Variants in ELOVL7 observed in about 807,000 individuals in gnomAD.
ELOVL7 encodes the protein very long chain fatty acid elongase 7.
A neutral mutation model predicts 35.7 loss-of-function variants in ELOVL7; 27 were observed. That is an observed-to-expected ratio of 0.76 (90% CI 0.56 to 1.04). The LOEUF is 1.04. Among genes scored for constraint, ELOVL7 ranks in the 50% least tolerant of loss-of-function variants. The probability of loss-of-function intolerance (pLI) is 0.00; values close to 1 mark genes in which losing one functional copy is unlikely to be tolerated. For synonymous variants in ELOVL7, 113 were observed against 114.6 expected (o/e 0.99, Z 0.09); for missense variants, 327 against 340.8 (o/e 0.96, Z 0.32).
chr5:60,831,095 C>T (rs1746456771), intron 1 of ELOVL7, among the ~76,000 whole-genome samples: 1 of 152,110 alleles, frequency 6.6e-6, no homozygotes, highest in Non-Finnish European at 1.5e-5. Context: ...ACTGATTTAA[C>T]ATTTAAAAAG....
At chr5:60,773,352 G>A (rs1742713120) in intron 3 of ELOVL7, among the ~76,000 whole-genome samples, 1 of 152,162 alleles carries the variant, frequency 6.6e-6, no homozygotes, top group Non-Finnish European at 1.5e-5. Context: ...AGCTGCTAAT[G>A]ATGTGGCCAA....
In ELOVL7 at chr5:60,752,198, A is replaced by G. The variant is rs1741316243; in HGVS notation, c.*2426T>C. 1 of 152,298 alleles carries G rather than the reference A, an allele frequency of 6.6e-6. No individual in the cohort carries two copies. The highest frequency in any genetic ancestry group is 6.5e-5 in the Admixed American group (1 of 15,282). The allele number at this position is 152,298 out of a possible 1,614,324, so 9.4% of individuals were successfully genotyped here. A position where few individuals can be genotyped will look rare whatever the true frequency, so the allele number is the denominator to read the frequency against. ...TATGGCCCATACAAATTCCATATCC[A>G]GTGAAAATCATTTTGATCCACAATC... On this transcript the variant is annotated 3_prime_UTR_variant, in exon 9 of 9. Transcript: ENST00000508821.
At chr5:60,800,994 C>G (rs1380058249) in intron 1 of ELOVL7, among the ~76,000 whole-genome samples, 1 of 152,170 alleles carries the variant, frequency 6.6e-6, no homozygotes, top group African/African-American at 2.4e-5. Flanking sequence ...GTGGCATGGT[C>G]ATGACTCACT....
At chr5:60,801,731 TA>T (rs1744628288) in intron 1 of ELOVL7, among the ~76,000 whole-genome samples, 1 of 151,508 alleles carries the variant, frequency 6.6e-6, no homozygotes, top group East Asian at 1.9e-4. Context: ...ATGAAGAAAC[TA>T]GAACAAAGCG....
Position 60,764,202 on chromosome 5 carries a change from A to G in ELOVL7, c.499+25T>C, listed in dbSNP as rs1387573687. Reference sequence around the variant, plus strand: ...CATATAGAAATGTTGTTTATAACACATGATCCCAAATTTCCCTTGTCTACC... The same window carrying G: ...CATATAGAAATGTTGTTTATAACACGTGATCCCAAATTTCCCTTGTCTACC... On this transcript the variant is annotated intron_variant, in intron 7 of 8. Coordinates refer to ENST00000508821, the MANE Select transcript of ELOVL7 (RefSeq NM_024930.3). 19 of 1,500,100 alleles carry G rather than the reference A, an allele frequency of 1.3e-5. No homozygotes were observed. The East Asian group carries it at 4.3e-4, about 34-fold the overall frequency. 92.9% of individuals were successfully genotyped at this position (1,500,100 alleles called of 1,614,324 possible).
At chr5:60,793,035 A>G (rs1744034710) in intron 2 of ELOVL7, among the ~76,000 whole-genome samples, 1 of 152,190 alleles carries the variant, frequency 6.6e-6, no homozygotes, top group Non-Finnish European at 1.5e-5. Context: ...AGAGAGCTGG[A>G]GCAGGGAGTT....
chr5:60,799,681 C>A (rs566795490), intron 1 of ELOVL7, among the ~76,000 whole-genome samples: 2 of 152,244 alleles, frequency 1.3e-5, no homozygotes, highest in Non-Finnish European at 2.9e-5. Flanking sequence ...AATCAAAAAC[C>A]TCCCATAAAA....
chr5:60,758,042 G>A (rs1741652272), intron 7 of ELOVL7, among the ~76,000 whole-genome samples: 1 of 152,064 alleles, frequency 6.6e-6, no homozygotes, highest in African/African-American at 2.4e-5. Context: ...TTTCATGTAT[G>A]TATACACCCA....
intron 3 of ELOVL7, among the ~76,000 whole-genome samples, chr5:60,773,300 T>C (rs1742709844): frequency 6.6e-6 from 1 of 152,108 alleles, no homozygotes. Context: ...CTTTTATCAA[T>C]TGGAAAAGAA....
intron 1 of ELOVL7, among the ~76,000 whole-genome samples, chr5:60,834,429 G>A (rs574078187): frequency 1.3e-5 from 2 of 152,334 alleles, no homozygotes; most frequent in South Asian, 4.1e-4. Flanking sequence ...ACAGGCGTGA[G>A]CCACTGCGCC....
At chr5:60,826,221 C>A (rs1006975194) in intron 1 of ELOVL7, among the ~76,000 whole-genome samples, 3 of 152,156 alleles carry the variant, frequency 2.0e-5, no homozygotes, top group Non-Finnish European at 2.9e-5. Flanking sequence ...CAAATTAATT[C>A]ATCCTGTTTT....
Position 60,787,374 on chromosome 5 carries a change from C to T in ELOVL7, c.24G>A (p.Ser8=), listed in dbSNP as rs1321853487. 1.1e-5 allele frequency: 18 copies of T among 1,603,756 alleles called. No homozygotes were observed. Among genetic ancestry groups the T allele is most frequent in the Middle Eastern group, 1.7e-4 (1 of 6,044 alleles). The change falls in exon 3 of 9, where the codon TCG becomes TCA. Residue 8 remains serine (S), a synonymous_variant. Transcript: ENST00000508821. ...AATTATCATAAAGATGCACAGTCCT[C>T]GATGTAAGATCACTGAAGGCCATTT... MAFSDLT[S]RTVHLYDNWI...
At chr5:60,770,144 GT>G (rs1315115869) in intron 4 of ELOVL7, among the ~76,000 whole-genome samples, 2 of 151,790 alleles carry the variant, frequency 1.3e-5, no homozygotes, top group African/African-American at 4.8e-5. Context: ...AGTAACTCAA[GT>G]ATTAGCAGTA....
At chr5:60,823,383 G>A (rs1422682606) in intron 1 of ELOVL7, among the ~76,000 whole-genome samples, 3 of 152,164 alleles carry the variant, frequency 2.0e-5, no homozygotes, top group Non-Finnish European at 4.4e-5. Flanking sequence ...ACCATGTCCA[G>A]TAATTGCCTA....
chr5:60,823,448 T>C (rs1040407824), intron 1 of ELOVL7, among the ~76,000 whole-genome samples: 3 of 152,232 alleles, frequency 2.0e-5, no homozygotes, highest in African/African-American at 7.2e-5. Context: ...GCACGGACTA[T>C]AACTGTCCCA....
chr5:60,758,204 G>T (rs953682609), intron 7 of ELOVL7, among the ~76,000 whole-genome samples: 4 of 152,018 alleles, frequency 2.6e-5, no homozygotes, highest in African/African-American at 9.7e-5. Flanking sequence ...TCACATAAAT[G>T]GAATTACACA....
intron 4 of ELOVL7, among the ~76,000 whole-genome samples, chr5:60,768,272 C>T (rs559253064): frequency 6.6e-6 from 1 of 152,254 alleles, no homozygotes; most frequent in African/African-American, 2.4e-5. Context: ...TGTTTGTGTA[C>T]TCTTAAAGGG....
intron 8 of ELOVL7, among the ~76,000 whole-genome samples, chr5:60,756,415 G>T (rs145080385): frequency 2.0e-5 from 3 of 152,002 alleles, no homozygotes; most frequent in Non-Finnish European, 4.4e-5. Flanking sequence ...GTGTTCTCAC[G>T]TATTTGCAAT....
At chr5:60,828,953 G>C (rs1426235959) in intron 1 of ELOVL7, among the ~76,000 whole-genome samples, 1 of 152,010 alleles carries the variant, frequency 6.6e-6, no homozygotes, top group Non-Finnish European at 1.5e-5. Flanking sequence ...GCATGATAAT[G>C]GTATGGCTGT....
Sources: gnomAD v4.1 joint callset for allele counts (sites outside exome capture counted in the v4.1 genomes callset) on GRCh38, gnomAD v4.1.1 for gene constraint, MANE v1.5 for transcripts, NCBI Gene and HGNC (gene_info 2026-07-23, HGNC 2026-07-21) for gene names.